Variants in L3MBTL4 observed in about 807,000 individuals in gnomAD.
L3MBTL4 encodes lethal(3)malignant brain tumor-like protein 4.
L3MBTL4 carries 70 observed loss-of-function variants against 84.5 expected under a neutral mutation model. The ratio of observed to expected loss-of-function variants is 0.83; its 90% CI spans 0.68 to 1.01. L3MBTL4 has a LOEUF of 1.01. L3MBTL4 is among the 50% of genes least tolerant of loss of function. L3MBTL4 has a pLI of 0.00. For missense variants in L3MBTL4, 715 were observed against 754.8 expected (o/e 0.95, Z 0.62); for synonymous variants, 274 against 259.8 (o/e 1.05, Z -0.52).
At chr18:6,072,012 T>C (rs931992116) in intron 16 of L3MBTL4, among the ~76,000 whole-genome samples, 1 of 151,858 alleles carries the variant, frequency 6.6e-6, no homozygotes, top group Non-Finnish European at 1.5e-5. Context: ...CAAATACTAA[T>C]CAAAATAATA....
At chr18:6,313,254 T>A (rs1226378097) in intron 1 of L3MBTL4, among the ~76,000 whole-genome samples, 1 of 152,178 alleles carries the variant, frequency 6.6e-6, no homozygotes, top group African/African-American at 2.4e-5. Flanking sequence ...TACATAAACA[T>A]GTCTCTCTGA....
At chr18:6,005,548 A>C (rs1598413889) in intron 16 of L3MBTL4, among the ~76,000 whole-genome samples, 1 of 151,864 alleles carries the variant, frequency 6.6e-6, no homozygotes. Context: ...GTCCATATGA[A>C]CTCGATGTTT....
At chr18:6,362,315 G>GAAAGA (rs1214645351) in intron 1 of L3MBTL4, among the ~76,000 whole-genome samples, 5 of 151,184 alleles carry the variant, frequency 3.3e-5, no homozygotes, top group African/African-American at 1.2e-4. Flanking sequence ...AGGGAGGAAA[G>GAAAGA]AAAGAAAAGA....
chr18:6,037,474 G>C (rs2145676141), intron 16 of L3MBTL4, among the ~76,000 whole-genome samples: 2 of 152,274 alleles, frequency 1.3e-5, no homozygotes, highest in South Asian at 4.1e-4. Flanking sequence ...TCCTACTCCA[G>C]TATCTTCCAG....
At chr18:6,038,626 C>T (rs1417345625) in intron 16 of L3MBTL4, among the ~76,000 whole-genome samples, 2 of 151,946 alleles carry the variant, frequency 1.3e-5, no homozygotes, top group Non-Finnish European at 2.9e-5. Context: ...TGGGGGAGAG[C>T]GGCACTTCTG....
chr18:6,146,784 G>A (rs1018470801), intron 13 of L3MBTL4, among the ~76,000 whole-genome samples: 3 of 152,130 alleles, frequency 2.0e-5, no homozygotes, highest in African/African-American at 7.2e-5. Flanking sequence ...GATAATGTAG[G>A]GAGGGGTTTA....
At chr18:6,398,707 A>T (rs2055380448) in intron 1 of L3MBTL4, among the ~76,000 whole-genome samples, 1 of 138,134 alleles carries the variant, frequency 7.2e-6, no homozygotes, top group African/African-American at 2.7e-5. Context: ...AGGAAATTAC[A>T]CACACATTTT....
chr18:6,148,819 A>G (rs2042763132), intron 13 of L3MBTL4, among the ~76,000 whole-genome samples: 1 of 152,188 alleles, frequency 6.6e-6, no homozygotes, highest in Non-Finnish European at 1.5e-5. Context: ...AACTGTATTA[A>G]GCCTACCCTT....
At chr18:6,164,497 T>A (rs2043539793) in intron 13 of L3MBTL4, among the ~76,000 whole-genome samples, 1 of 152,250 alleles carries the variant, frequency 6.6e-6, no homozygotes, top group African/African-American at 2.4e-5. Flanking sequence ...AGAGGAACGA[T>A]CAGGCAGCAG....
chr18:6,213,500 C>T (rs1369039463), intron 11 of L3MBTL4, among the ~76,000 whole-genome samples: 1 of 152,182 alleles, frequency 6.6e-6, no homozygotes, highest in Non-Finnish European at 1.5e-5. Flanking sequence ...GCAACCTCCA[C>T]CTTCCGGGTT....
intron 5 of L3MBTL4, among the ~76,000 whole-genome samples, chr18:6,246,850 G>T (rs1449524059): frequency 6.6e-6 from 1 of 152,072 alleles, no homozygotes; most frequent in Non-Finnish European, 1.5e-5. Flanking sequence ...GTTGCGGTGA[G>T]CCAAGATTGG....
At chr18:6,140,383 T>C (rs1309130576) in intron 13 of L3MBTL4, among the ~76,000 whole-genome samples, 2 of 152,182 alleles carry the variant, frequency 1.3e-5, no homozygotes, top group Non-Finnish European at 2.9e-5. Context: ...GAGCCAACCA[T>C]GGATGGCCCG....
At position 6,403,215 on chromosome 18, in the gene L3MBTL4, T is replaced by C. The variant is rs173130; in HGVS notation, c.-91+11586A>G. Reference sequence around the variant, plus strand: ...ACCTTAAGCCTACTTCCATTTTACATATCATCAGAAAGTATTTTTGCATAT... The same window carrying C: ...ACCTTAAGCCTACTTCCATTTTACACATCATCAGAAAGTATTTTTGCATAT... On this transcript the variant is annotated intron_variant, in intron 1 of 18. Transcript: ENST00000317931. Among the ~76,000 whole-genome samples, 454 of 152,360 alleles carry C rather than the reference T, an allele frequency of 3.0e-3. 3 individuals are homozygous for C. Among genetic ancestry groups the C allele is most frequent in the African/African-American group, 0.01 (424 of 41,582 alleles).
chr18:6,176,262 A>T (rs903551953), intron 12 of L3MBTL4, among the ~76,000 whole-genome samples: 1 of 152,224 alleles, frequency 6.6e-6, no homozygotes, highest in African/African-American at 2.4e-5. Context: ...TTTTGTAAAA[A>T]AAATTAACAA....
At chr18:5,986,709 T>C (rs1272248334) in intron 16 of L3MBTL4, among the ~76,000 whole-genome samples, 1 of 152,218 alleles carries the variant, frequency 6.6e-6, no homozygotes, top group Non-Finnish European at 1.5e-5. Flanking sequence ...TTGGAACCGA[T>C]GCCAGTGAGC....
chr18:6,222,321 C>T (rs1281413239), intron 10 of L3MBTL4, among the ~76,000 whole-genome samples: 3 of 152,146 alleles, frequency 2.0e-5, no homozygotes, highest in Non-Finnish European at 4.4e-5. Context: ...AGGAGCTTGT[C>T]AAAGAGCTCA....
chr18:6,383,892 C>CT (rs1376846023), intron 1 of L3MBTL4, among the ~76,000 whole-genome samples: 3 of 152,174 alleles, frequency 2.0e-5, no homozygotes, highest in African/African-American at 7.2e-5. Flanking sequence ...GTGAGTAAGA[C>CT]TTTAGGATCA....
rs866859811 is a variant in L3MBTL4, at chr18:6,320,089, C to T, written c.-90-8033G>A. Reference sequence around the variant, plus strand: ...TAGAAAAAATAAATTATAAAAACTCCAGTATCCCTTTATGATAAAAAACCC... The same window carrying T: ...TAGAAAAAATAAATTATAAAAACTCTAGTATCCCTTTATGATAAAAAACCC... On this transcript the variant is annotated intron_variant, in intron 1 of 18. Coordinates refer to ENST00000317931, the MANE Select transcript of L3MBTL4 (RefSeq NM_001330559.2). Among the ~76,000 whole-genome samples, 12 of 151,964 alleles carry T rather than the reference C, an allele frequency of 7.9e-5. No individual in the cohort carries two copies. In the Middle Eastern group the frequency reaches 0.01, roughly 129 times the overall value.
intron 4 of L3MBTL4, among the ~76,000 whole-genome samples, chr18:6,267,905 A>G (rs1204554165): frequency 2.0e-5 from 3 of 152,196 alleles, no homozygotes; most frequent in Admixed American, 2.0e-4. Flanking sequence ...GAGCCTGTAG[A>G]CGGGTCCTCC....
Sources: gnomAD v4.1 joint callset for allele counts (sites outside exome capture counted in the v4.1 genomes callset) on GRCh38, gnomAD v4.1.1 for gene constraint, MANE v1.5 for transcripts, NCBI Gene and HGNC (gene_info 2026-07-23, HGNC 2026-07-21) for gene names.